Variants in HMCN1 observed in about 807,000 individuals in gnomAD.
HMCN1 encodes hemicentin-1.
Under a neutral mutation model 625.9 loss-of-function variants are expected in HMCN1, and 321 were observed. That is an observed-to-expected ratio of 0.51 (90% CI 0.47 to 0.56). The LOEUF is 0.56. HMCN1 is among the 20% of genes least tolerant of loss of function. The probability of loss-of-function intolerance (pLI) is 0.00; values close to 1 mark genes in which losing one functional copy is unlikely to be tolerated. For synonymous variants in HMCN1, 2,425 were observed against 2,417.6 expected (o/e 1.00, Z -0.09); for missense variants, 6,588 against 6,887.3 (o/e 0.96, Z 1.54).
chr1:186,152,740 T>G lies in HMCN1; in HGVS notation c.14897-10T>G. 6.2e-7 allele frequency: 1 copy of G among 1,613,732 alleles called. No homozygotes were observed. The highest frequency in any genetic ancestry group is 8.5e-7 in the Non-Finnish European group (1 of 1,179,650). ...TTTTGCTGTCAAAATGAATGTCTTG[T>G]AATTCCCAGGAGAAATCTTGCAGAT... is the stretch of plus-strand genomic sequence containing the variant. On this transcript the variant is annotated splice_polypyrimidine_tract_variant and intron_variant, in intron 95 of 106. Transcript: ENST00000271588.
chr1:185,943,368 A>G (rs372482806), intron 11 of HMCN1, among the ~76,000 whole-genome samples: 57 of 152,348 alleles, frequency 3.7e-4, no homozygotes, highest in African/African-American at 1.3e-3. Context: ...CTCCAGGTAG[A>G]TAGTGTCAGA....
chr1:185,977,864 C>G lies in HMCN1; in HGVS notation c.2449C>G (p.Gln817Glu), dbSNP rs1261308838. ...AAATGTGACATTACCTTGTTATGTT[C>G]AGGGTTATCCAGAACCAACAATCAA... ...GSNVTLPCYV[Q>E]GYPEPTIKWR... The change falls in exon 16 of 107, where the codon CAG becomes GAG. Residue 817 changes from glutamine to glutamate, a missense_variant. Around this residue, in one of 3 missense-constraint regions of HMCN1, gnomAD observed 4,628 missense variants for 4,853.1 expected, o/e 0.95. Transcript: ENST00000271588. 1 of 1,612,518 alleles carries G rather than the reference C, an allele frequency of 6.2e-7. No homozygotes were observed. The highest frequency in any genetic ancestry group is 8.5e-7 in the Non-Finnish European group (1 of 1,178,902).
At chr1:185,993,125 T>C in intron 22 of HMCN1, 57 bp from the exon 23 acceptor site, 3 of 1,526,174 alleles carry the variant, frequency 2.0e-6, no homozygotes, top group Non-Finnish European at 2.7e-6. Context: ...TGTAGCTGCA[T>C]AGGGGATATT....
Position 185,990,354 on chromosome 1 carries a change from G to T in HMCN1, c.3288G>T (p.Glu1096Asp). ...AGATCTCCGTCCTTGCAGGGGAAGA[G>T]GTAACACTTCCATGTGAAGTGAAGA... ...PVEISVLAGE[E>D]VTLPCEVKSL... Residue 1096 changes from glutamate to aspartate, a missense_variant, in exon 22 of 107, where the codon GAG becomes GAT. This residue lies in a region of HMCN1 where 4,628 missense variants were observed against 4,853.1 expected (regional missense o/e 0.95). Coordinates refer to ENST00000271588, the MANE Select transcript of HMCN1 (RefSeq NM_031935.3). 6.2e-7 allele frequency: 1 copy of T among 1,613,764 alleles called. No individual in the cohort carries two copies. The highest frequency in any genetic ancestry group is 8.5e-7 in the Non-Finnish European group (1 of 1,179,694).
At chr1:186,165,585 A>G (rs912899714) in intron 98 of HMCN1, among the ~76,000 whole-genome samples, 5 of 152,210 alleles carry the variant, frequency 3.3e-5, no homozygotes, top group Non-Finnish European at 7.3e-5. Flanking sequence ...TTGTGGACTT[A>G]TGACTAATGA....
At position 186,178,657 on chromosome 1, in the gene HMCN1, C is replaced by A. The variant is rs1452234014; in HGVS notation, c.16185C>A (p.Tyr5395Ter). The change falls in exon 104 of 107, where the codon TAC (tyrosine) becomes TAA (stop). Residue 5395 changes from tyrosine (Y) to a stop codon, truncating the protein, a stop_gained. Transcript: ENST00000271588. LOFTEE classifies it high-confidence loss of function. ...ATTACAGACAGTACTCACATCTCTA[C>A]AGCTCCTACTCAGAGTATAGAAACA... ...QQHYRQYSHL[Y>*]SSYSEYRNSR... The A allele has an allele frequency of 6.2e-7, 1 of 1,613,806 alleles. No homozygotes were observed. Among genetic ancestry groups the A allele is most frequent in the Non-Finnish European group, 8.5e-7 (1 of 1,179,764 alleles).
intron 6 of HMCN1, 87 bp from the exon 7 acceptor site, chr1:185,922,292 T>C (rs1274396381): frequency 2.1e-6 from 3 of 1,400,530 alleles, no homozygotes; most frequent in Middle Eastern, 1.8e-4. Context: ...TAATTAAATA[T>C]TGTGCAGTTT....
intron 4 of HMCN1, among the ~76,000 whole-genome samples, chr1:185,892,210 T>A (rs568170056): frequency 6.7e-6 from 1 of 149,274 alleles, no homozygotes; most frequent in South Asian, 2.1e-4. Context: ...TTATACATTC[T>A]TCTAAATTTT....
At chr1:185,974,525 C>T (rs1651060926) in intron 15 of HMCN1, among the ~76,000 whole-genome samples, 1 of 152,070 alleles carries the variant, frequency 6.6e-6, no homozygotes, top group Non-Finnish European at 1.5e-5. Flanking sequence ...CAAACAGCCT[C>T]CTCTGTAGAA....
intron 11 of HMCN1, among the ~76,000 whole-genome samples, chr1:185,944,647 T>C (rs1361149632): frequency 3.3e-5 from 5 of 152,188 alleles, no homozygotes; most frequent in Non-Finnish European, 4.4e-5. Flanking sequence ...ACTTAAACTG[T>C]GGTAGAGTAG....
chr1:185,938,524 C>G (rs956122546), intron 11 of HMCN1, among the ~76,000 whole-genome samples: 4 of 151,852 alleles, frequency 2.6e-5, no homozygotes, highest in African/African-American at 9.7e-5. Flanking sequence ...AAGCAGAAAA[C>G]AAGTGAGGTC....
chr1:185,806,723 C>A (rs1659196740), intron 1 of HMCN1, among the ~76,000 whole-genome samples: 1 of 151,914 alleles, frequency 6.6e-6, no homozygotes, highest in Admixed American at 6.6e-5. Context: ...TTAGAAAGAG[C>A]CTTTTTGAGT....
chr1:186,157,066 C>A (rs1431003792), intron 97 of HMCN1, among the ~76,000 whole-genome samples: 2 of 152,190 alleles, frequency 1.3e-5, no homozygotes, highest in Admixed American at 6.5e-5. Flanking sequence ...ACCAAGGGAA[C>A]CTATATTTTT....
At chr1:185,965,990 CTT>C in intron 14 of HMCN1, 75 bp downstream of exon 14, 1 of 994,510 alleles carries the variant, frequency 1.0e-6, no homozygotes, top group South Asian at 1.3e-5. Context: ...TTTGTTAAAA[CTT>C]TGTTTTGGTG....
Position 186,081,285 on chromosome 1 carries a change from A to C in HMCN1, c.8678A>C (p.Glu2893Ala). The change falls in exon 56 of 107, where the codon GAG becomes GCG. Residue 2893 changes from glutamate (E) to alanine (A), a missense_variant. Physicochemically the swap from Glu to Ala is moderately radical, Grantham distance 107 (BLOSUM62 -1). Around this residue, in one of 3 missense-constraint regions of HMCN1, gnomAD observed 4,628 missense variants for 4,853.1 expected, o/e 0.95. Transcript: ENST00000271588. ...TVLVNKSALI[E>A]CLSSGSPAPR... is the part of the protein sequence containing the mutation. ...CTGGTGAACAAGAGTGCACTGATAG[A>C]GTGTTTATCCAGTGGCAGCCCAGCA... is the stretch of plus-strand genomic sequence containing the variant. 6.2e-7 allele frequency: 1 copy of C among 1,613,116 alleles called. No individual in the cohort carries two copies. The highest frequency in any genetic ancestry group is 8.5e-7 in the Non-Finnish European group (1 of 1,179,404).
At chr1:185,892,673 G>A (rs1665190572) in intron 4 of HMCN1, among the ~76,000 whole-genome samples, 1 of 152,040 alleles carries the variant, frequency 6.6e-6, no homozygotes, top group Non-Finnish European at 1.5e-5. Context: ...CCCGTTCTCA[G>A]ATCTCCAGCT....
chr1:186,165,198 T>G, intron 98 of HMCN1, 25 bp downstream of exon 98: 2 of 1,597,492 alleles, frequency 1.3e-6, no homozygotes, highest in Non-Finnish European at 1.7e-6. Context: ...AAATAAAGGG[T>G]TTTCTTTTAA....
intron 11 of HMCN1, among the ~76,000 whole-genome samples, chr1:185,952,259 A>G (rs998674588): frequency 3.3e-5 from 5 of 151,764 alleles, no homozygotes; most frequent in Non-Finnish European, 7.4e-5. Flanking sequence ...TGTAAGCCGG[A>G]CCAGGTGTGA....
chr1:185,980,825 T>C (rs1367409580), intron 16 of HMCN1, among the ~76,000 whole-genome samples, 153 bp from the exon 17 acceptor site: 1 of 152,196 alleles, frequency 6.6e-6, no homozygotes, highest in Non-Finnish European at 1.5e-5. Context: ...TAGCACTTAT[T>C]TCACTGTGGT....
Sources: allele counts gnomAD v4.1 joint callset (sites outside exome capture counted in the v4.1 genomes callset), GRCh38; gene constraint gnomAD v4.1.1; regional missense constraint gnomAD v4.1.1; transcripts MANE v1.5; gene names NCBI Gene and HGNC (gene_info 2026-07-23, HGNC 2026-07-21).